FAM168A: variants seen among roughly 807,000 people sequenced by gnomAD.
The protein encoded by FAM168A is protein FAM168A.
Under a neutral mutation model 28.5 loss-of-function variants are expected in FAM168A, and 3 were observed. The observed-to-expected ratio is 0.11, with a 90% CI of 0.05 to 0.27. The LOEUF is 0.27. Among genes scored for constraint, FAM168A ranks in the 10% least tolerant of loss-of-function variants. FAM168A has a pLI of 1.00. For synonymous variants in FAM168A, 122 were observed against 124.2 expected (o/e 0.98, Z 0.12); for missense variants, 222 against 311.5 (o/e 0.71, Z 2.16).
chr11:73,426,897 T>C (rs891144054), intron 3 of FAM168A, among the ~76,000 whole-genome samples: 2 of 152,176 alleles, frequency 1.3e-5, no homozygotes, highest in Middle Eastern at 3.2e-3. Flanking sequence ...GAAAATAGTC[T>C]GGGTGACTTT....
chr11:73,417,937 T>C (rs1866724577), intron 4 of FAM168A, among the ~76,000 whole-genome samples: 1 of 152,208 alleles, frequency 6.6e-6, no homozygotes, highest in Non-Finnish European at 1.5e-5. Flanking sequence ...TGATACCTTT[T>C]TCCGGCTGTG....
chr11:73,569,493 A>G (rs1323753814), intron 1 of FAM168A, among the ~76,000 whole-genome samples: 2 of 152,204 alleles, frequency 1.3e-5, no homozygotes, highest in African/African-American at 2.4e-5. Context: ...GAAAGTATCT[A>G]TTTTACATAC....
At chr11:73,580,136 T>A in intron 1 of FAM168A, 1 of 345,592 alleles carries the variant, frequency 2.9e-6, no homozygotes, top group Admixed American at 3.9e-5. Flanking sequence ...AATGAATAAG[T>A]AAAAAACAAA....
intron 1 of FAM168A, among the ~76,000 whole-genome samples, chr11:73,575,633 G>T (rs1167471916): frequency 6.6e-6 from 1 of 152,190 alleles, no homozygotes; most frequent in Non-Finnish European, 1.5e-5. Flanking sequence ...ACTTTGGGAG[G>T]CTGAGGCAAG....
chr11:73,484,584 C>CTA (rs1364442869), intron 1 of FAM168A, among the ~76,000 whole-genome samples: 4 of 65,508 alleles, frequency 6.1e-5, no homozygotes, highest in African/African-American at 2.0e-4. Context: ...ATATCGATAT[C>CTA]TATCTATATA....
In FAM168A at chr11:73,419,102, G is replaced by A. The variant is rs990238379; in HGVS notation, c.277+772C>T. The stretch of plus-strand genomic sequence containing the variant: ...TGGGATTACAGGCATGAGCCACCGC[G>A]CCCGGCTGCCACTCAGTAATTTCTA... On this transcript the variant is annotated intron_variant, in intron 4 of 7. Transcript: ENST00000356467. Among the ~76,000 whole-genome samples the A allele has an allele frequency of 8.5e-5, 13 of 152,294 alleles. No individual in the cohort carries two copies. In the East Asian group the frequency reaches 1.7e-3, roughly 20 times the overall value.
rs372004963 is a variant in FAM168A at position 73,402,538 on chromosome 11, G to C, written c.*4225C>G. ...CTTGGAACAATTCGGGTGGCCAGGGGTAAGGATGCTCAGAGTCTGGTTCTG... is the reference window on the plus strand; with the variant it reads ...CTTGGAACAATTCGGGTGGCCAGGGCTAAGGATGCTCAGAGTCTGGTTCTG... On this transcript the variant is annotated 3_prime_UTR_variant, in exon 8 of 8. Transcript: ENST00000356467. 6.6e-6 allele frequency: 1 copy of C among 152,254 alleles called. No individual in the cohort carries two copies. The highest frequency in any genetic ancestry group is 1.5e-5 in the Non-Finnish European group (1 of 68,070). 9.4% of individuals were successfully genotyped at this position (152,254 alleles called of 1,614,324 possible).
chr11:73,482,098 T>A (rs1369634136), intron 1 of FAM168A, among the ~76,000 whole-genome samples: 1 of 150,440 alleles, frequency 6.6e-6, no homozygotes, highest in African/African-American at 2.4e-5. Context: ...TTGTAAGAAA[T>A]AAATTTCTGT....
intron 1 of FAM168A, among the ~76,000 whole-genome samples, chr11:73,533,748 A>T (rs1370235583): frequency 6.6e-6 from 1 of 152,222 alleles, no homozygotes; most frequent in Non-Finnish European, 1.5e-5. Context: ...CTCAAGAAAG[A>T]TTCAATAATG....
intron 1 of FAM168A, among the ~76,000 whole-genome samples, chr11:73,545,981 T>C (rs554926012): frequency 2.0e-5 from 3 of 152,316 alleles, no homozygotes; most frequent in African/African-American, 7.2e-5. Flanking sequence ...TTTAGAAAGT[T>C]ATCAGAGCCA....
At chr11:73,546,430 TA>T (rs1286198656) in intron 1 of FAM168A, among the ~76,000 whole-genome samples, 1 of 152,124 alleles carries the variant, frequency 6.6e-6, no homozygotes, top group African/African-American at 2.4e-5. Context: ...GGAAAGCACC[TA>T]TTAAAAAGCT....
At chr11:73,451,056 G>T (rs1159657295) in intron 2 of FAM168A, among the ~76,000 whole-genome samples, 1 of 152,140 alleles carries the variant, frequency 6.6e-6, no homozygotes, top group East Asian at 1.9e-4. Flanking sequence ...ATATATTAGG[G>T]GTTGGGAAGA....
At chr11:73,471,618 A>G (rs1867814910) in intron 1 of FAM168A, among the ~76,000 whole-genome samples, 1 of 152,202 alleles carries the variant, frequency 6.6e-6, no homozygotes, top group Non-Finnish European at 1.5e-5. Flanking sequence ...TTGATGCTCT[A>G]TCTGGGATGG....
rs1355376436 is a variant in FAM168A, at chr11:73,409,491, T to C, written c.591A>G (p.Ser197=). The C allele has an allele frequency of 6.8e-6, 11 of 1,613,606 alleles. 1 individual carries two copies. The Admixed American group carries it at 1.0e-4, about 15-fold the overall frequency. ...GMVAGTTMAM[S]AGTLLTTPQH... The stretch of plus-strand genomic sequence containing the variant: ...TGATGCAGATGCTGCCCTCACCTGC[T>C]GACATTGCCATGGTGGTGCCTGCCA... The change falls in exon 6 of 8, where the codon TCA becomes TCG. Residue 197 remains serine, a synonymous_variant. Transcript: ENST00000356467.
chr11:73,421,102 A>G (rs1009189519), intron 3 of FAM168A, among the ~76,000 whole-genome samples: 1 of 151,648 alleles, frequency 6.6e-6, no homozygotes, highest in Admixed American at 6.6e-5. Flanking sequence ...GGGGTGCTAT[A>G]TAGTATATTA....
At chr11:73,586,320 C>A (rs931559746) in intron 1 of FAM168A, among the ~76,000 whole-genome samples, 1 of 152,128 alleles carries the variant, frequency 6.6e-6, no homozygotes, top group Non-Finnish European at 1.5e-5. Context: ...ATGACATACA[C>A]CTGTAGTCCC....
chr11:73,551,532 T>C (rs1943828661), intron 1 of FAM168A, among the ~76,000 whole-genome samples: 1 of 152,230 alleles, frequency 6.6e-6, no homozygotes, highest in African/African-American at 2.4e-5. Flanking sequence ...TTAACTGCAC[T>C]CCTTTATTCA....
chr11:73,521,027 A>T (rs1012285568), intron 1 of FAM168A, among the ~76,000 whole-genome samples: 1 of 152,220 alleles, frequency 6.6e-6, no homozygotes, highest in African/African-American at 2.4e-5. Context: ...ACATTTGTTG[A>T]AACCAGTAGG....
chr11:73,424,766 G>C (rs1866854175), intron 3 of FAM168A, among the ~76,000 whole-genome samples: 1 of 152,182 alleles, frequency 6.6e-6, no homozygotes, highest in Non-Finnish European at 1.5e-5. Flanking sequence ...TCGGCAGCCA[G>C]GTTAGGTTGA....
Sources: allele counts gnomAD v4.1 joint callset (sites outside exome capture counted in the v4.1 genomes callset), GRCh38; gene constraint gnomAD v4.1.1; transcripts MANE v1.5; gene names NCBI Gene and HGNC (gene_info 2026-07-23, HGNC 2026-07-21).